Variants in UTP4 observed in about 807,000 individuals in gnomAD.
The protein encoded by UTP4 is UTP4 small subunit processome component.
A neutral mutation model predicts 82.4 loss-of-function variants in UTP4; 45 were observed. That is an observed-to-expected ratio of 0.55 (90% CI 0.43 to 0.70). UTP4 has a LOEUF of 0.70. Ranked by LOEUF, UTP4 falls within the 30% of genes least tolerant of loss-of-function variation. The probability of loss-of-function intolerance (pLI) is 0.00; values close to 1 mark genes in which losing one functional copy is unlikely to be tolerated. For synonymous variants in UTP4, 348 were observed against 300.3 expected (o/e 1.16, Z -1.64); for missense variants, 819 against 858.3 (o/e 0.95, Z 0.57).
chr16:69,148,919 GT>G (rs1963190306), intron 6 of UTP4, among the ~76,000 whole-genome samples: 1 of 151,970 alleles, frequency 6.6e-6, no homozygotes, highest in African/African-American at 2.4e-5. Context: ...TCTTGTTTGG[GT>G]TTTTTGTGTT....
chr16:69,140,337 A>T (rs1962924506), intron 5 of UTP4, among the ~76,000 whole-genome samples: 1 of 152,182 alleles, frequency 6.6e-6, no homozygotes, highest in Admixed American at 6.5e-5. Context: ...TGGCCTGGAA[A>T]ATTGGCTTCA....
chr16:69,147,526 A>G (rs1963150857), intron 6 of UTP4, among the ~76,000 whole-genome samples: 1 of 151,994 alleles, frequency 6.6e-6, no homozygotes, highest in Non-Finnish European at 1.5e-5. Context: ...ACAAACAAAA[A>G]ATAATAATGC....
At chr16:69,163,517 T>G (rs1401000792) in intron 14 of UTP4, among the ~76,000 whole-genome samples, 1 of 152,026 alleles carries the variant, frequency 6.6e-6, no homozygotes, top group Non-Finnish European at 1.5e-5. Context: ...TGGAATAAGA[T>G]TTTGAGAGTT....
intron 6 of UTP4, among the ~76,000 whole-genome samples, chr16:69,149,380 CA>C (rs199910168): frequency 6.6e-6 from 1 of 150,538 alleles, no homozygotes; most frequent in Non-Finnish European, 1.5e-5. Context: ...AACTCTGTCT[CA>C]AAAAAAACAA....
rs374472952 is a variant in UTP4 at position 69,155,877 on chromosome 16, G to A, written c.1171G>A (p.Glu391Lys). The A allele has an allele frequency of 1.9e-6, 3 of 1,614,016 alleles. No homozygotes were observed. Among genetic ancestry groups the A allele is most frequent in the African/African-American group, 2.7e-5 (2 of 74,912 alleles). ...HLLHLKTKGP[E>K]NIICSCISPC... ...TGATTCCTGATATTGCCAGGGTCCT[G>A]AGAACATTATCTGTAGCTGTATCTC... is the stretch of plus-strand genomic sequence containing the variant. The change falls in exon 11 of 17, where the codon GAG (glutamate) becomes AAG (lysine). Residue 391 changes from glutamate to lysine, a missense_variant. Transcript: ENST00000314423.
chr16:69,151,407 C>T (rs1214453888), intron 8 of UTP4, among the ~76,000 whole-genome samples: 2 of 151,374 alleles, frequency 1.3e-5, no homozygotes, highest in African/African-American at 2.4e-5. Context: ...CTGCAAGCTC[C>T]GCCTCCCAGG....
rs146966335 is a variant in UTP4 at position 69,133,533 on chromosome 16, A to G, written c.74A>G (p.Asn25Ser). ...TCAGGAATCCGCTGTGTGGCTTACA[A>G]TAACCAGTCAAACAGATTGGCTGTT... ...VPSGIRCVAYNNQSNRLAVSR... is the reference protein window; with the variant it reads ...VPSGIRCVAYSNQSNRLAVSR... Residue 25 changes from asparagine to serine, a missense_variant, in exon 2 of 17, where the codon AAT (asparagine) becomes AGT (serine). Asn to Ser is a conservative substitution (Grantham distance 46, BLOSUM62 1). Coordinates refer to ENST00000314423, the MANE Select transcript of UTP4 (RefSeq NM_032830.3). 5.2e-5 allele frequency: 84 copies of G among 1,614,200 alleles called. No individual in the cohort carries two copies. The Middle Eastern group carries it at 1.8e-3, about 35-fold the overall frequency.
In UTP4 at chr16:69,133,538, C is replaced by T; in HGVS notation, c.79C>T (p.Gln27Ter). 6.2e-7 allele frequency: 1 copy of T among 1,614,108 alleles called. No individual in the cohort carries two copies. Among genetic ancestry groups the T allele is most frequent in the South Asian group, 1.1e-5 (1 of 91,086 alleles). The change falls in exon 2 of 17, where the codon CAG becomes TAG. Residue 27 changes from glutamine (Q) to a stop codon, truncating the protein, a stop_gained. Transcript: ENST00000314423. LOFTEE classifies it high-confidence loss of function. ...AATCCGCTGTGTGGCTTACAATAAC[C>T]AGTCAAACAGATTGGCTGTTTCACG... Reference protein sequence around the residue: ...SGIRCVAYNNQSNRLAVSRTD... With the variant: ...SGIRCVAYNN
chr16:69,135,862 C>G (rs904573427), intron 2 of UTP4, among the ~76,000 whole-genome samples: 11 of 152,154 alleles, frequency 7.2e-5, no homozygotes, highest in African/African-American at 2.6e-4. Flanking sequence ...CCCGTCTCTA[C>G]TAAAAATACA....
chr16:69,157,357 C>T, intron 12 of UTP4, 117 bp downstream of exon 12: 1 of 987,220 alleles, frequency 1.0e-6, no homozygotes, highest in South Asian at 1.4e-5. Flanking sequence ...CAGATACACT[C>T]ACTCACATGT....
chr16:69,151,009 CTTT>C (rs764679119), intron 8 of UTP4, 105 bp downstream of exon 8: 301 of 704,000 alleles, frequency 4.3e-4, no homozygotes, highest in Non-Finnish European at 5.3e-4. Flanking sequence ...ATTTGTAGGA[CTTT>C]TTTTTTTTTT....
rs558472695 is a variant in UTP4, at chr16:69,165,444, C to T, written c.1751C>T (p.Thr584Ile). ...HLWLQRDTPI[T>I]HISFHPKRPM... ...TGGCTCCAAAGGGATACTCCTATCA[C>T]ACACATCAGTTTTCATCCCAAGAGA... The change falls in exon 15 of 17, where the codon ACA (threonine) becomes ATA (isoleucine). Residue 584 changes from threonine to isoleucine, a missense_variant. By Grantham distance (89) the Thr-to-Ile change is moderately conservative. Coordinates refer to ENST00000314423, the MANE Select transcript of UTP4 (RefSeq NM_032830.3). 5 of 1,613,998 alleles carry T rather than the reference C, an allele frequency of 3.1e-6. No homozygotes were observed. In the East Asian group the frequency reaches 6.7e-5, roughly 22 times the overall value.
chr16:69,144,291 TC>T (rs1242935745), intron 6 of UTP4, among the ~76,000 whole-genome samples: 1 of 151,954 alleles, frequency 6.6e-6, no homozygotes, highest in African/African-American at 2.4e-5. Context: ...AACCTCTGCC[TC>T]CAGGGAGCAA....
intron 2 of UTP4, among the ~76,000 whole-genome samples, chr16:69,136,455 A>G (rs1251055077): frequency 2.0e-5 from 3 of 152,244 alleles, no homozygotes; most frequent in South Asian, 2.1e-4. Context: ...ATGCAGTTCA[A>G]ACCTTTTCTG....
At chr16:69,164,131 G>A (rs529947734) in intron 14 of UTP4, among the ~76,000 whole-genome samples, 6 of 151,928 alleles carry the variant, frequency 3.9e-5, no homozygotes, top group South Asian at 2.1e-4. Flanking sequence ...TGATCCGCCC[G>A]CCTCGGCCTC....
Position 69,143,236 on chromosome 16 carries a change from G to A in UTP4, c.585G>A (p.Lys195=). The change falls in exon 6 of 17, where the codon AAG becomes AAA. Residue 195 remains lysine, a synonymous_variant. Coordinates refer to ENST00000314423, the MANE Select transcript of UTP4 (RefSeq NM_032830.3). ...DRQYMGVSKR[K]CIVWGVAFLS... The stretch of plus-strand genomic sequence containing the variant: ...AGTATATGGGCGTGTCTAAGCGGAA[G>A]TGCATCGTGTGGGGTGTCGCCTTCT... 6.2e-7 allele frequency: 1 copy of A among 1,614,252 alleles called. No individual in the cohort carries two copies. Among genetic ancestry groups the A allele is most frequent in the African/African-American group, 1.3e-5 (1 of 75,066 alleles).
chr16:69,132,757 A>T, intron 1 of UTP4, 68 bp downstream of exon 1: 1 of 238,962 alleles, frequency 4.2e-6, no homozygotes, highest in Non-Finnish European at 8.4e-6. Context: ...TGGCCGGCCC[A>T]GGGTCGGCGT....
At chr16:69,139,786 G>C (rs762491281) in intron 4 of UTP4, 39 bp from the exon 5 acceptor site, 55 of 1,317,864 alleles carry the variant, frequency 4.2e-5, no homozygotes, top group Admixed American at 1.5e-4. Flanking sequence ...GTATATTTAT[G>C]TGTATGTCAC....
At chr16:69,150,461 CAG>C in intron 6 of UTP4, 74 bp from the exon 7 acceptor site, 1 of 1,533,198 alleles carries the variant, frequency 6.5e-7, no homozygotes, top group South Asian at 1.1e-5. Context: ...GCTGCTGAGA[CAG>C]AAAGCCTCGG....
Sources: allele counts gnomAD v4.1 joint callset (sites outside exome capture counted in the v4.1 genomes callset), GRCh38; gene constraint gnomAD v4.1.1; transcripts MANE v1.5; gene names NCBI Gene and HGNC (gene_info 2026-07-23, HGNC 2026-07-21).